MAPK10: variants seen among roughly 807,000 people sequenced by gnomAD.
MAPK10 encodes the protein JNK3 alpha protein kinase.
Under a neutral mutation model 59.3 loss-of-function variants are expected in MAPK10, and 25 were observed. That is an observed-to-expected ratio of 0.42 (90% CI 0.31 to 0.59). The LOEUF is 0.59. MAPK10 is among the 20% of genes least tolerant of loss of function. The pLI, the probability that MAPK10 is intolerant of heterozygous loss-of-function variation, is 0.15. For synonymous variants in MAPK10, 190 were observed against 200.5 expected (o/e 0.95, Z 0.44); for missense variants, 351 against 568.9 (o/e 0.62, Z 3.90).
intron 3 of MAPK10, among the ~76,000 whole-genome samples, chr4:86,191,131 C>G (rs185045067): frequency 2.6e-5 from 4 of 152,134 alleles, no homozygotes; most frequent in African/African-American, 4.8e-5. Flanking sequence ...GATTTCCATT[C>G]TTTTGCATTT....
At chr4:86,272,652 T>C (rs1179475679) in intron 2 of MAPK10, among the ~76,000 whole-genome samples, 1 of 152,030 alleles carries the variant, frequency 6.6e-6, no homozygotes, top group Non-Finnish European at 1.5e-5. Context: ...TCATTGTTGT[T>C]GCTTAATGTA....
intron 2 of MAPK10, among the ~76,000 whole-genome samples, chr4:86,276,519 T>C (rs2148785669): frequency 6.6e-6 from 1 of 152,298 alleles, no homozygotes; most frequent in East Asian, 1.9e-4. Context: ...AAGCAGTCAC[T>C]GGGAAGATTA....
chr4:86,592,651 G>C (rs904131656), intron 1 of MAPK10, among the ~76,000 whole-genome samples: 8 of 152,194 alleles, frequency 5.3e-5, no homozygotes, highest in African/African-American at 1.9e-4. Flanking sequence ...GAAGAACTGA[G>C]AAAAGGGCTC....
intron 1 of MAPK10, among the ~76,000 whole-genome samples, chr4:86,409,108 C>T (rs1744788832): frequency 6.6e-6 from 1 of 152,102 alleles, no homozygotes; most frequent in Non-Finnish European, 1.5e-5. Flanking sequence ...CCAGTTTCAG[C>T]TTTCTACATG....
chr4:86,106,832 C>T (rs1052607408), intron 5 of MAPK10: 1 of 151,888 alleles, frequency 6.6e-6, no homozygotes, highest in African/African-American at 2.4e-5. Flanking sequence ...GCAATTAAAT[C>T]TAAATTATAA....
chr4:86,295,619 G>A (rs1156806151), intron 2 of MAPK10, among the ~76,000 whole-genome samples: 1 of 151,478 alleles, frequency 6.6e-6, no homozygotes, highest in Non-Finnish European at 1.5e-5. Flanking sequence ...CAGCTCCAAT[G>A]TGTACTGTCT....
At chr4:86,199,670 C>T (rs1461615398) in intron 2 of MAPK10, among the ~76,000 whole-genome samples, 1 of 151,904 alleles carries the variant, frequency 6.6e-6, no homozygotes, top group Non-Finnish European at 1.5e-5. Flanking sequence ...ATGTTTGTTA[C>T]ATTATTTAAA....
intron 1 of MAPK10, among the ~76,000 whole-genome samples, chr4:86,560,548 G>T (rs1165432006): frequency 1.3e-5 from 2 of 152,222 alleles, no homozygotes; most frequent in Admixed American, 6.5e-5. Context: ...TAAACCTGCT[G>T]GTTCTATCTG....
chr4:86,012,010 C>T lies in MAPK10; in HGVS notation c.*5218G>A, dbSNP rs927076111. On this transcript the variant is annotated 3_prime_UTR_variant, in exon 14 of 14. Transcript: ENST00000641462. ...TGGATATCATGTAGCTAAACAAAGG[C>T]TTTTACCTTTTCTCTTGGAAAATAG... The T allele has an allele frequency of 5.3e-5, 8 of 152,244 alleles. No homozygotes were observed. Among genetic ancestry groups the T allele is most frequent in the African/African-American group, 1.2e-4 (5 of 41,552 alleles). The allele number at this position is 152,244 out of a possible 1,614,324, so 9.4% of individuals were successfully genotyped here.
chr4:86,260,722 G>A (rs2093952289), intron 2 of MAPK10, among the ~76,000 whole-genome samples: 1 of 151,960 alleles, frequency 6.6e-6, no homozygotes, highest in African/African-American at 2.4e-5. Flanking sequence ...AAAATTATAG[G>A]GAAGTCAGAT....
At chr4:86,576,232 T>C (rs1353858865) in intron 1 of MAPK10, among the ~76,000 whole-genome samples, 2 of 151,862 alleles carry the variant, frequency 1.3e-5, no homozygotes, top group African/African-American at 4.8e-5. Flanking sequence ...GACATAAAAA[T>C]TCAGTGGAAA....
At chr4:86,375,176 A>G (rs1449610189) in intron 1 of MAPK10, among the ~76,000 whole-genome samples, 3 of 152,176 alleles carry the variant, frequency 2.0e-5, no homozygotes, top group African/African-American at 7.2e-5. Context: ...GTGCTCAGAA[A>G]TGTGTGCACA....
intron 1 of MAPK10, among the ~76,000 whole-genome samples, chr4:86,589,448 G>A (rs1406294881): frequency 1.3e-5 from 2 of 152,094 alleles, no homozygotes; most frequent in Non-Finnish European, 2.9e-5. Flanking sequence ...TTCGGAGGCC[G>A]AGGCGGGTGG....
chr4:86,255,466 T>G (rs2093665437), intron 2 of MAPK10, among the ~76,000 whole-genome samples: 1 of 152,122 alleles, frequency 6.6e-6, no homozygotes, highest in Non-Finnish European at 1.5e-5. Context: ...AGAGCTGCAT[T>G]CCTCTCTGAA....
At chr4:86,083,796 C>T (rs1241382970) in intron 9 of MAPK10, among the ~76,000 whole-genome samples, 1 of 152,126 alleles carries the variant, frequency 6.6e-6, no homozygotes, top group East Asian at 1.9e-4. Flanking sequence ...GAGACCTCTT[C>T]CATCCACATG....
chr4:86,171,308 C>T (rs1321508587), intron 3 of MAPK10, among the ~76,000 whole-genome samples: 1 of 152,054 alleles, frequency 6.6e-6, no homozygotes, highest in Non-Finnish European at 1.5e-5. Context: ...AAAGGATCAA[C>T]AAAATTGATA....
intron 2 of MAPK10, among the ~76,000 whole-genome samples, chr4:86,313,002 C>T (rs1014319916): frequency 3.3e-5 from 5 of 151,998 alleles, no homozygotes; most frequent in African/African-American, 1.2e-4. Flanking sequence ...CTTGTAGATA[C>T]ATATGTAGGC....
At chr4:86,194,786 A>C (rs2080895500) in intron 2 of MAPK10, among the ~76,000 whole-genome samples, 1 of 151,818 alleles carries the variant, frequency 6.6e-6, no homozygotes. Context: ...GAATAAAAGC[A>C]CTATTAAATA....
intron 4 of MAPK10, chr4:86,120,153 T>C (rs1476779659): frequency 3.9e-5 from 6 of 152,202 alleles, no homozygotes; most frequent in Non-Finnish European, 8.8e-5. Flanking sequence ...AGTCCAATTA[T>C]GGATAAACAT....
Sources: gnomAD v4.1 joint callset for allele counts (sites outside exome capture counted in the v4.1 genomes callset) on GRCh38, gnomAD v4.1.1 for gene constraint, MANE v1.5 for transcripts, NCBI Gene and HGNC (gene_info 2026-07-23, HGNC 2026-07-21) for gene names.